Variants in XPO7 observed in about 807,000 individuals in gnomAD.
The protein encoded by XPO7 is exportin 7.
Under a neutral mutation model 144.3 loss-of-function variants are expected in XPO7, and 21 were observed. That is an observed-to-expected ratio of 0.15 (90% confidence interval 0.10 to 0.21). XPO7 has a LOEUF of 0.21. XPO7 is among the 10% of genes least tolerant of loss of function. The pLI, the probability that XPO7 is intolerant of heterozygous loss-of-function variation, is 1.00. For synonymous variants in XPO7, 580 were observed against 499.6 expected, an observed-to-expected ratio of 1.16 and a Z score of -2.15; for missense variants, 808 against 1,325.8, an observed-to-expected ratio of 0.61 and a Z score of 6.06.
intron 2 of XPO7, among the ~76,000 whole-genome samples, chr8:21,969,019 A>C (rs184295320): frequency 1.3e-5 from 2 of 152,226 alleles, no homozygotes; most frequent in Admixed American, 6.5e-5. Context: ...GGAGACAACT[A>C]TACAGCATAG....
intron 1 of XPO7, among the ~76,000 whole-genome samples, chr8:21,960,655 A>T (rs968939935): frequency 3.3e-5 from 5 of 152,258 alleles, no homozygotes; most frequent in African/African-American, 1.2e-4. Flanking sequence ...CTGGCATAGC[A>T]TTATCACTTG....
At chr8:21,966,784 T>C in intron 1 of XPO7, 73 bp from the exon 2 acceptor site, 1 of 1,521,692 alleles carries the variant, frequency 6.6e-7, no homozygotes, top group Middle Eastern at 1.8e-4. Flanking sequence ...TATCTTTGTT[T>C]ATTAATTTTA....
intron 1 of XPO7, chr8:21,964,066 A>G (rs1337470334): frequency 6.6e-6 from 1 of 152,236 alleles, no homozygotes; most frequent in Non-Finnish European, 1.5e-5. Context: ...TGAGTTTCTT[A>G]TACTAAAAAG....
In XPO7 at chr8:21,999,043, G is replaced by C. The variant is rs117701714; in HGVS notation, c.2429-48G>C. ...TTGGAGTAGGAAGGCTGATCTAAACGAGCGCTTCTAATGTGGTTGAATAAA... is the reference window on the plus strand; with the variant it reads ...TTGGAGTAGGAAGGCTGATCTAAACCAGCGCTTCTAATGTGGTTGAATAAA... On this transcript the variant is annotated intron_variant, in intron 22 of 27. Transcript: ENST00000252512. 1,423 of 1,604,502 alleles carry C rather than the reference G, an allele frequency of 8.9e-4. 29 individuals are homozygous for C. In the East Asian group the frequency reaches 0.03, roughly 33 times the overall value.
intron 23 of XPO7, 72 bp downstream of exon 23, chr8:21,999,377 T>G: frequency 6.3e-7 from 1 of 1,591,732 alleles, no homozygotes; most frequent in Non-Finnish European, 8.6e-7. Context: ...AGACCAAGAT[T>G]GAACACTGCT....
At chr8:21,976,086 T>G (rs967080769) in intron 6 of XPO7, among the ~76,000 whole-genome samples, 1 of 152,218 alleles carries the variant, frequency 6.6e-6, no homozygotes, top group Non-Finnish European at 1.5e-5. Flanking sequence ...TATGTCTACA[T>G]TGTGTGAGGA....
At chr8:21,933,168 T>C (rs543083219) in intron 1 of XPO7, among the ~76,000 whole-genome samples, 1 of 149,804 alleles carries the variant, frequency 6.7e-6, no homozygotes, top group African/African-American at 2.5e-5. Flanking sequence ...TGGCGCGATC[T>C]TGGCTCACTG....
In XPO7 at chr8:21,985,630, G is replaced by A. The variant is rs1465839350; in HGVS notation, c.1516G>A (p.Gly506Ser). The A allele has an allele frequency of 1.2e-6, 2 of 1,613,884 alleles. No homozygotes were observed. ...LVYIIGAVIG[G>S]RVSFASTDEQ... is the part of the protein sequence containing the mutation. ...TTACATTATTGGAGCAGTGATCGGT[G>A]GCCGGGTTTCTTTTGCCAGCACTGA... Residue 506 changes from glycine (G) to serine (S), a missense_variant, in exon 13 of 28, where the codon GGC becomes AGC. This residue lies in a region of XPO7 where 416 missense variants were observed against 612.5 expected (regional missense o/e 0.68). Coordinates refer to ENST00000252512, the MANE Select transcript of XPO7 (RefSeq NM_015024.5).
intron 5 of XPO7, 175 bp downstream of exon 5, chr8:21,972,116 C>A: frequency 1.8e-6 from 1 of 549,418 alleles, no homozygotes; most frequent in Non-Finnish European, 3.2e-6. Context: ...TTGCAACTCA[C>A]CTCACTTTTT....
chr8:21,969,485 C>T lies in XPO7; in HGVS notation c.168C>T (p.Ser56=). ...CCTTTTTCCCTCTCTTTTCACAGTC[C>T]TCTTACTCCCAGTTACTGGCAGCTA... The part of the protein sequence containing the change: ...KCQLLLERGS[S]SYSQLLAATC... The change falls in exon 3 of 28, where the codon TCC becomes TCT. Residue 56 remains serine (S), a splice_region_variant and synonymous_variant. Transcript: ENST00000252512. 1 of 1,613,230 alleles carries T rather than the reference C, an allele frequency of 6.2e-7. No homozygotes were observed. Among genetic ancestry groups the T allele is most frequent in the South Asian group, 1.1e-5 (1 of 90,988 alleles).
At position 21,941,762 on chromosome 8, in the gene XPO7, A is replaced by T. The variant is rs1334148001; in HGVS notation, c.18+21974A>T. Among the ~76,000 whole-genome samples the T allele has an allele frequency of 3.9e-5, 6 of 152,224 alleles. No individual in the cohort carries two copies. The South Asian group carries it at 1.0e-3, about 26-fold the overall frequency. ...TGTTTGTTTGTTTTTCACAGACTCT[A>T]TTTTCTAGGCTTAAGCGATCCTCCC... is the stretch of plus-strand genomic sequence containing the variant. On this transcript the variant is annotated intron_variant, in intron 1 of 27. Transcript: ENST00000252512.
Position 21,998,815 on chromosome 8 carries a change from C to G in XPO7, c.2406C>G (p.Thr802=), listed in dbSNP as rs758679409. The change falls in exon 22 of 28, where the codon ACC becomes ACG. Residue 802 remains threonine, a synonymous_variant. Coordinates refer to ENST00000252512, the MANE Select transcript of XPO7 (RefSeq NM_015024.5). ...SPNGILLFRE[T]SKMITMYGNR... is the part of the protein sequence containing the mutation. ...ATGGCATCTTACTCTTCCGAGAAAC[C>G]AGCAAGATGATAACAATGTATGGTA... 20 of 1,613,968 alleles carry G rather than the reference C, an allele frequency of 1.2e-5. No individual in the cohort carries two copies. The highest frequency in any genetic ancestry group is 1.6e-5 in the Non-Finnish European group (19 of 1,179,880).
In XPO7 at chr8:21,985,691, G is replaced by A. The variant is rs1380425596; in HGVS notation, c.1577G>A (p.Arg526Gln). Residue 526 changes from arginine to glutamine, a missense_variant and splice_region_variant, in exon 13 of 28, where the codon CGG (arginine) becomes CAG (glutamine). This residue lies in a region of XPO7 where 416 missense variants were observed against 612.5 expected (regional missense o/e 0.68). Transcript: ENST00000252512. Reference sequence around the variant, plus strand: ...GCCATGGATGGTGAGCTTGTCTGTCGGTAAGTGCTCCCCACAGAAGCTCTC... The same window carrying A: ...GCCATGGATGGTGAGCTTGTCTGTCAGTAAGTGCTCCCCACAGAAGCTCTC... ...QDAMDGELVC[R>Q]VLQLMNLTDS... The A allele has an allele frequency of 1.2e-6, 2 of 1,612,998 alleles. No individual in the cohort carries two copies. The highest frequency in any genetic ancestry group is 1.3e-5 in the African/African-American group (1 of 74,976).
At position 21,994,475 on chromosome 8, in the gene XPO7, A is replaced by G. The variant is rs183278133; in HGVS notation, c.2237+24A>G. On this transcript the variant is annotated intron_variant, in intron 20 of 27. Coordinates refer to ENST00000252512, the MANE Select transcript of XPO7 (RefSeq NM_015024.5). ...ATGTATCCTAACTCAAACTAGGAGC[A>G]CACTACAGCCTGCCTTAACTGGAGT... 181 of 1,598,814 alleles carry G rather than the reference A, an allele frequency of 1.1e-4. No individual in the cohort carries two copies. The African/African-American group carries it at 2.1e-3, about 19-fold the overall frequency.
chr8:21,983,501 T>C (rs1206640592), intron 11 of XPO7, among the ~76,000 whole-genome samples: 2 of 152,248 alleles, frequency 1.3e-5, no homozygotes, highest in Non-Finnish European at 2.9e-5. Flanking sequence ...CCCAAGTGCA[T>C]TGAATAGTCA....
chr8:22,001,078 G>T (rs996308771), intron 24 of XPO7, among the ~76,000 whole-genome samples: 4 of 152,054 alleles, frequency 2.6e-5, no homozygotes, highest in African/African-American at 9.7e-5. Flanking sequence ...ACTTTGGGAG[G>T]CTGAGGCGGG....
At chr8:21,982,392 C>T (rs954515174) in intron 10 of XPO7, among the ~76,000 whole-genome samples, 1 of 152,168 alleles carries the variant, frequency 6.6e-6, no homozygotes, top group African/African-American at 2.4e-5. Flanking sequence ...TTGAGACCCA[C>T]TTACATATGG....
At chr8:21,969,316 A>T (rs1029196230) in intron 2 of XPO7, among the ~76,000 whole-genome samples, 167 bp from the exon 3 acceptor site, 2 of 146,532 alleles carry the variant, frequency 1.4e-5, no homozygotes, top group East Asian at 2.0e-4. Context: ...AACTTATGCT[A>T]TGTGGTTCAT....
At chr8:21,969,936 G>A (rs769483396) in intron 3 of XPO7, 2 of 610,868 alleles carry the variant, frequency 3.3e-6, no homozygotes, top group Non-Finnish European at 5.4e-6. Context: ...TTCTTCATGA[G>A]ACAAAATAAA....
Sources: allele counts gnomAD v4.1 joint callset (sites outside exome capture counted in the v4.1 genomes callset), GRCh38; gene constraint gnomAD v4.1.1; regional missense constraint gnomAD v4.1.1; transcripts MANE v1.5; gene names NCBI Gene and HGNC (gene_info 2026-07-23, HGNC 2026-07-21).